The following VWF variants were observed in gnomAD, a reference collection of about 807,000 sequenced individuals.
The protein encoded by VWF is von Willebrand factor, also known as Factor VIII related antigen.
Under a neutral mutation model 308.6 loss-of-function variants are expected in VWF, and 176 were observed. That is an observed-to-expected ratio of 0.57 (90% CI 0.50 to 0.65). The LOEUF is 0.65. Ranked by LOEUF, VWF falls within the 30% of genes least tolerant of loss-of-function variation. The probability of loss-of-function intolerance (pLI) is 0.00; values close to 1 mark genes in which losing one functional copy is unlikely to be tolerated. For synonymous variants in VWF, 1,385 were observed against 1,443.4 expected, an observed-to-expected ratio of 0.96 and a Z score of 0.92; for missense variants, 3,146 against 3,648.2, an observed-to-expected ratio of 0.86 and a Z score of 3.55.
chr12:6,029,541 C>G, intron 21 of VWF, 53 bp from the exon 22 acceptor site: 1 of 1,606,862 alleles, frequency 6.2e-7, no homozygotes, highest in Admixed American at 1.7e-5. Flanking sequence ...GGCTCGACAG[C>G]CAGATCCTCC....
intron 22 of VWF, 51 bp downstream of exon 22, chr12:6,029,291 A>G (rs1484925260): frequency 6.2e-7 from 1 of 1,612,498 alleles, no homozygotes; most frequent in South Asian, 1.1e-5. Context: ...GGGAGCAGAA[A>G]ACACTCCAAA....
intron 6 of VWF, among the ~76,000 whole-genome samples, chr12:6,084,578 G>A (rs1944948414): frequency 6.6e-6 from 1 of 152,172 alleles, no homozygotes; most frequent in Non-Finnish European, 1.5e-5. Context: ...GCAGCAGGAG[G>A]AGAGAAAGCA....
rs981626481 is a variant in VWF at position 6,060,536 on chromosome 12, A to T, written c.1533+2418T>A. On this transcript the variant is annotated intron_variant, in intron 13 of 51. Transcript: ENST00000261405. This position sits in a 1 kb window ranked among gnomAD's most constrained non-coding sequence, Gnocchi z 5.1. Reference sequence around the variant, plus strand: ...ACTCAAACACCCCCTTTCCTGCTTCATAATAAAACCCACAAGATAGTCCCT... The same window carrying T: ...ACTCAAACACCCCCTTTCCTGCTTCTTAATAAAACCCACAAGATAGTCCCT... Among the ~76,000 whole-genome samples the T allele has an allele frequency of 3.3e-5, 5 of 152,062 alleles. No homozygotes were observed. Among genetic ancestry groups the T allele is most frequent in the African/African-American group, 7.2e-5 (3 of 41,394 alleles).
At chr12:6,043,919 T>A (rs1001351792) in intron 18 of VWF, among the ~76,000 whole-genome samples, 1 of 152,234 alleles carries the variant, frequency 6.6e-6, no homozygotes, top group South Asian at 2.1e-4. Context: ...CAAATATATA[T>A]GTGTCCCTCC....
At chr12:5,975,286 C>T (rs1943520970) in intron 43 of VWF, among the ~76,000 whole-genome samples, 1 of 152,242 alleles carries the variant, frequency 6.6e-6, no homozygotes, top group Non-Finnish European at 1.5e-5. Context: ...AAAGCAACCA[C>T]AAGATGGATG....
intron 34 of VWF, among the ~76,000 whole-genome samples, chr12:6,004,845 T>C (rs1943909908): frequency 1.3e-5 from 2 of 152,082 alleles, no homozygotes; most frequent in African/African-American, 4.8e-5. Context: ...GAAGATTCAA[T>C]ACTTGGAATA....
chr12:6,096,982 A>C (rs1945111325), intron 5 of VWF, among the ~76,000 whole-genome samples: 1 of 151,824 alleles, frequency 6.6e-6, no homozygotes, highest in African/African-American at 2.4e-5. Flanking sequence ...TAGGCAGAAA[A>C]AGATCCCCCC....
intron 34 of VWF, among the ~76,000 whole-genome samples, chr12:6,004,777 A>G (rs1943909215): frequency 6.6e-6 from 1 of 151,816 alleles, no homozygotes; most frequent in South Asian, 2.1e-4. Flanking sequence ...TACACAAATA[A>G]TAAGTAGTTA....
chr12:6,063,979 C>A lies in VWF; in HGVS notation c.1432+267G>T, dbSNP rs185650766. 5.5e-4 allele frequency among the ~76,000 whole-genome samples: 84 copies of A among 152,176 alleles called. 1 individual carries two copies. Among genetic ancestry groups the A allele is most frequent in the Admixed American group, 5.4e-3 (83 of 15,272 alleles). ...AAGCCAAATAAAAATCCTCTCGGTT[C>A]CCTTTTCCCATCTACACTCTGTCCC... On this transcript the variant is annotated intron_variant, in intron 12 of 51. Transcript: ENST00000261405. This position sits in a 1 kb window ranked among gnomAD's most constrained non-coding sequence, Gnocchi z 4.9.
chr12:6,088,204 C>T (rs986185516), intron 6 of VWF, among the ~76,000 whole-genome samples: 4 of 149,734 alleles, frequency 2.7e-5, no homozygotes, highest in East Asian at 2.0e-4. Flanking sequence ...TTTGGCCGGG[C>T]GCGGTGGCTC....
chr12:5,961,671 C>T (rs1444423262), intron 47 of VWF, among the ~76,000 whole-genome samples: 2 of 147,272 alleles, frequency 1.4e-5, no homozygotes, highest in African/African-American at 5.0e-5. Flanking sequence ...AATATAAAAA[C>T]TGATTTTATA....
At position 6,060,412 on chromosome 12, in the gene VWF, G is replaced by A. The variant is rs541915558; in HGVS notation, c.1534-2368C>T. Among the ~76,000 whole-genome samples, 125 of 151,994 alleles carry A rather than the reference G, an allele frequency of 8.2e-4. No homozygotes were observed. The highest frequency in any genetic ancestry group is 2.9e-3 in the African/African-American group (119 of 41,486). Reference sequence around the variant, plus strand: ...CCCTAGCTGCACCTCCTCTTGCACCGCCTCTGCCCCAGCTGGCCTCCCTCC... The same window carrying A: ...CCCTAGCTGCACCTCCTCTTGCACCACCTCTGCCCCAGCTGGCCTCCCTCC... On this transcript the variant is annotated intron_variant, in intron 13 of 51. Coordinates refer to ENST00000261405, the MANE Select transcript of VWF (RefSeq NM_000552.5). The surrounding 1 kb of genome is among the most constrained non-coding windows in gnomAD (Gnocchi z 5.1).
chr12:6,103,401 TGTGTGTATACACAC>T (rs1565390900), intron 5 of VWF, among the ~76,000 whole-genome samples: 1 of 110,538 alleles, frequency 9.0e-6, no homozygotes, highest in Non-Finnish European at 1.6e-5. Context: ...TGTATACACG[TGTGTGTATACACAC>T]GTGTGTGTAT....
intron 18 of VWF, among the ~76,000 whole-genome samples, chr12:6,041,311 T>C (rs1944393578): frequency 6.6e-6 from 1 of 151,318 alleles, no homozygotes; most frequent in South Asian, 2.1e-4. Flanking sequence ...GCGCCTGTAA[T>C]CCCAGCTACT....
chr12:6,008,787 G>T lies in VWF; in HGVS notation c.5842+2830C>A, dbSNP rs537911739. On this transcript the variant is annotated intron_variant, in intron 34 of 51. Transcript: ENST00000261405. ...ACTCTAAAGATTTCACCAAAAATTT[G>T]TTAGCAAATTCAGCGAAGTTAAAAC... is the stretch of plus-strand genomic sequence containing the variant. 8.5e-5 allele frequency among the ~76,000 whole-genome samples: 13 copies of T among 152,280 alleles called. 1 individual carries two copies. In the South Asian group the frequency reaches 2.7e-3, roughly 32 times the overall value.
chr12:5,960,019 C>T (rs2136345897), intron 47 of VWF, among the ~76,000 whole-genome samples: 1 of 148,116 alleles, frequency 6.8e-6, no homozygotes, highest in East Asian at 2.0e-4. Flanking sequence ...AGTAAAACAA[C>T]AAAGGCAAAA....
intron 5 of VWF, among the ~76,000 whole-genome samples, chr12:6,109,690 G>A (rs147575714): frequency 7.2e-5 from 11 of 151,848 alleles, no homozygotes; most frequent in Non-Finnish European, 1.3e-4. Flanking sequence ...TCGCTCTGTC[G>A]CCCAGGCTGG....
chr12:6,088,227 C>G (rs1457984196), intron 6 of VWF, among the ~76,000 whole-genome samples: 1 of 151,066 alleles, frequency 6.6e-6, no homozygotes, highest in Admixed American at 6.6e-5. Flanking sequence ...GCCTGTAATC[C>G]CAACACTTTC....
At chr12:5,972,832 A>G (rs78116759) in intron 43 of VWF, among the ~76,000 whole-genome samples, 5 of 152,236 alleles carry the variant, frequency 3.3e-5, no homozygotes, top group African/African-American at 1.2e-4. Context: ...GATACAGCAG[A>G]ACATTCAAAA....
Sources: allele counts gnomAD v4.1 joint callset (sites outside exome capture counted in the v4.1 genomes callset), GRCh38; gene constraint gnomAD v4.1.1; non-coding constraint Gnocchi (gnomAD v3.1); transcripts MANE v1.5; gene names NCBI Gene and HGNC (gene_info 2026-07-23, HGNC 2026-07-21).